PASD1: variants seen among roughly 807,000 people sequenced by gnomAD.
PASD1 encodes circadian clock protein PASD1.
Under a neutral mutation model 58.8 loss-of-function variants are expected in PASD1, and 13 were observed. The observed-to-expected ratio is 0.22, with a 90% CI of 0.14 to 0.35. The LOEUF (loss-of-function observed/expected upper bound fraction) is 0.35. PASD1 is among the 10% of genes least tolerant of loss of function. PASD1 has a pLI of 1.00. For missense variants in PASD1, 734 were observed against 568.3 expected, an observed-to-expected ratio of 1.29 and a Z score of -2.96; for synonymous variants, 236 against 216.7, an observed-to-expected ratio of 1.09 and a Z score of -0.78.
At chrX:151,651,885 A>G (rs1163615409) in intron 9 of PASD1, among the ~76,000 whole-genome samples, 1 of 112,019 alleles carries the variant, frequency 8.9e-6, no homozygotes. Flanking sequence ...TCAAACCCAG[A>G]TCTGTCTGAT....
Position 151,664,283 on chromosome X carries a change from G to C in PASD1, c.1006G>C (p.Gly336Arg). ...ENPVAPLDQA[G>R]LMDPVDPEDS... is the part of the protein sequence containing the mutation. The stretch of plus-strand genomic sequence containing the variant: ...CCCAGTTGCCCCGTTGGACCAGGCA[G>C]GCCTGATGGATCCAGTGGATCCAGA... The change falls in exon 11 of 16, where the codon GGC (glycine) becomes CGC (arginine). Residue 336 changes from glycine (G) to arginine (R), a missense_variant. Physicochemically the swap from Gly to Arg is moderately radical, Grantham distance 125 (BLOSUM62 -2). Transcript: ENST00000370357. 1.7e-6 allele frequency: 2 copies of C among 1,211,745 alleles called. No individual in the cohort carries two copies. The highest frequency in any genetic ancestry group is 2.2e-6 in the Non-Finnish European group (2 of 895,506).
intron 4 of PASD1, among the ~76,000 whole-genome samples, chrX:151,617,048 A>T (rs760599692): frequency 5.4e-4 from 60 of 111,318 alleles, no homozygotes; most frequent in Middle Eastern, 4.6e-3. Flanking sequence ...TCTTTTTTTG[A>T]CGTGACTGAG....
At chrX:151,579,380 T>TAA (rs2013054087) in intron 1 of PASD1, among the ~76,000 whole-genome samples, 1 of 111,992 alleles carries the variant, frequency 8.9e-6, no homozygotes, top group South Asian at 3.7e-4. Context: ...GAAATATATA[T>TAA]AAAATGAAGT....
chrX:151,611,660 T>A lies in PASD1; in HGVS notation c.118-4T>A, dbSNP rs1762615577. On this transcript the variant is annotated splice_region_variant and splice_polypyrimidine_tract_variant and intron_variant, in intron 3 of 15. Transcript: ENST00000370357. ...TAATTACATTATTATTCTCTCGTCA[T>A]TAGTTATTAGATGGCTTTATGATTA... 1 of 1,155,551 alleles carries A rather than the reference T, an allele frequency of 8.7e-7. No homozygotes were observed. The highest frequency in any genetic ancestry group is 1.2e-6 in the Non-Finnish European group (1 of 856,042).
rs923288968 is a variant in PASD1, at chrX:151,676,155, T to C, written c.*12T>C. ...ATAAGCCGTGCTAACAGTACTTTCA[T>C]GACCAGTGATGAGGGGAAATGGGGG... is the stretch of plus-strand genomic sequence containing the variant. On this transcript the variant is annotated 3_prime_UTR_variant, in exon 16 of 16. Coordinates refer to ENST00000370357, the MANE Select transcript of PASD1 (RefSeq NM_173493.3). The C allele has an allele frequency of 8.4e-7, 1 of 1,190,396 alleles. No homozygotes were observed. Among genetic ancestry groups the C allele is most frequent in the Non-Finnish European group, 1.1e-6 (1 of 884,707 alleles).
chrX:151,632,411 C>T (rs889621497), intron 8 of PASD1, among the ~76,000 whole-genome samples: 7 of 111,229 alleles, frequency 6.3e-5, no homozygotes, highest in Non-Finnish European at 1.3e-4. Flanking sequence ...GTTTGAGAAA[C>T]AGCAAAGGAG....
intron 8 of PASD1, among the ~76,000 whole-genome samples, chrX:151,642,282 A>G (rs1255747162): frequency 8.9e-6 from 1 of 111,864 alleles, no homozygotes; most frequent in Non-Finnish European, 1.9e-5. Context: ...TTCAAATTAC[A>G]AAATCCATTC....
chrX:151,637,791 G>A (rs1227949408), intron 8 of PASD1, among the ~76,000 whole-genome samples: 1 of 111,586 alleles, frequency 9.0e-6, no homozygotes, highest in Non-Finnish European at 1.9e-5. Context: ...TCCCCCTAAG[G>A]ACTAATAATA....
chrX:151,597,081 T>G (rs1353824677), intron 1 of PASD1, among the ~76,000 whole-genome samples: 6 of 112,261 alleles, frequency 5.3e-5, no homozygotes, highest in Admixed American at 4.7e-4. Flanking sequence ...TTAGAACTTT[T>G]TCATATGGAT....
At chrX:151,564,183 T>C (rs766684039) in intron 1 of PASD1, among the ~76,000 whole-genome samples, 8 of 113,074 alleles carry the variant, frequency 7.1e-5, no homozygotes, top group African/African-American at 9.6e-5. Context: ...ATGGAAAGCT[T>C]GCGGTGTCGC....
At chrX:151,637,398 A>T in intron 8 of PASD1, among the ~76,000 whole-genome samples, 1 of 111,491 alleles carries the variant, frequency 9.0e-6, no homozygotes, top group Non-Finnish European at 1.9e-5. Context: ...TGTTTTCTGG[A>T]GACAGAGTCT....
intron 8 of PASD1, among the ~76,000 whole-genome samples, chrX:151,628,522 G>C (rs984061463): frequency 4.5e-5 from 5 of 111,502 alleles, no homozygotes; most frequent in African/African-American, 1.6e-4. Context: ...TTGTAGATAT[G>C]CGGCATTATT....
chrX:151,611,446 A>G (rs1448792811), intron 3 of PASD1, among the ~76,000 whole-genome samples: 3 of 112,274 alleles, frequency 2.7e-5, no homozygotes, highest in African/African-American at 9.7e-5. Context: ...TGTTTAAGTG[A>G]CACATCATTT....
intron 8 of PASD1, 72 bp from the exon 9 acceptor site, chrX:151,648,543 T>C: frequency 3.1e-6 from 3 of 962,398 alleles, no homozygotes; most frequent in Non-Finnish European, 4.4e-6. Flanking sequence ...ACCTTTTTAT[T>C]GTATGATAGA....
At chrX:151,632,675 T>G (rs2013883110) in intron 8 of PASD1, among the ~76,000 whole-genome samples, 1 of 112,087 alleles carries the variant, frequency 8.9e-6, no homozygotes, top group African/African-American at 3.2e-5. Flanking sequence ...ACCTATCACC[T>G]TTGGCAAATA....
chrX:151,573,826 A>G (rs996518779), intron 1 of PASD1, among the ~76,000 whole-genome samples: 1 of 111,917 alleles, frequency 8.9e-6, no homozygotes, highest in Non-Finnish European at 1.9e-5. Flanking sequence ...GTTGTATTGT[A>G]GAGAGCCTTG....
intron 1 of PASD1, among the ~76,000 whole-genome samples, chrX:151,573,679 AAGATATAGGGAAGGAC>A (rs2012959347): frequency 8.9e-6 from 1 of 112,432 alleles, no homozygotes; most frequent in African/African-American, 3.2e-5. Flanking sequence ...TCATTAAGTA[AAGATATAGGGAAGGAC>A]ATTTTAGGCA....
chrX:151,621,600 G>T lies in PASD1; in HGVS notation c.418+8G>T. 3 of 1,125,957 alleles carry T rather than the reference G, an allele frequency of 2.7e-6. No individual in the cohort carries two copies. Among genetic ancestry groups the T allele is most frequent in the Non-Finnish European group, 3.6e-6 (3 of 825,394 alleles). 92.8% of individuals were successfully genotyped at this position (1,125,957 alleles called of 1,213,427 possible). A position where few individuals can be genotyped will look rare whatever the true frequency, so the allele number is the denominator to read the frequency against. ...TAAGAGATATTTGTAATGGTAAGCA[G>T]TTCTGTTTATCTTATCTATATGACA... On this transcript the variant is annotated splice_region_variant and intron_variant, in intron 6 of 15. Transcript: ENST00000370357.
At chrX:151,583,491 AT>A (rs763922736) in intron 1 of PASD1, among the ~76,000 whole-genome samples, 1 of 112,103 alleles carries the variant, frequency 8.9e-6, no homozygotes, top group African/African-American at 3.2e-5. Context: ...CTGAAGACAG[AT>A]TCCCTGTCAA....
Sources: allele counts gnomAD v4.1 joint callset (sites outside exome capture counted in the v4.1 genomes callset), GRCh38; gene constraint gnomAD v4.1.1; transcripts MANE v1.5; gene names NCBI Gene and HGNC (gene_info 2026-07-23, HGNC 2026-07-21).